Variants in FCER2 observed in about 807,000 individuals in gnomAD.
The protein encoded by FCER2 is Fc epsilon receptor II.
FCER2 carries 38 observed loss-of-function variants against 49.7 expected under a neutral mutation model. The observed-to-expected ratio is 0.76, with a 90% CI of 0.59 to 1.00. The LOEUF (loss-of-function observed/expected upper bound fraction) is 1.00, where lower values mean the gene tolerates loss of function less well. Ranked by LOEUF, FCER2 falls within the 50% of genes least tolerant of loss-of-function variation. The pLI, the probability that FCER2 is intolerant of heterozygous loss-of-function variation, is 0.00. For synonymous variants in FCER2, 163 were observed against 164.6 expected (o/e 0.99, Z 0.07); for missense variants, 425 against 419.5 (o/e 1.01, Z -0.11).
rs368902365 is a variant in FCER2, at chr19:7,699,764, G to A, written c.-4C>T. 100 of 1,613,660 alleles carry A rather than the reference G, an allele frequency of 6.2e-5. No individual in the cohort carries two copies. Among genetic ancestry groups the A allele is most frequent in the South Asian group, 3.4e-4 (31 of 91,074 alleles). On this transcript the variant is annotated 5_prime_UTR_variant, in exon 2 of 11. Transcript: ENST00000597921. ...CTGAATATTGACCTTCCTCCATGGC[G>A]GTCCTGCTTGGATTCTCCCGATGAT...
intron 8 of FCER2, among the ~76,000 whole-genome samples, chr19:7,692,120 A>G (rs1194764229): frequency 1.3e-5 from 1 of 79,286 alleles, no homozygotes; most frequent in Non-Finnish European, 2.5e-5. Context: ...TCATGAACAC[A>G]TTCACGTCCA....
intron 8 of FCER2, among the ~76,000 whole-genome samples, chr19:7,695,778 G>A (rs934013083): frequency 2.0e-5 from 3 of 152,074 alleles, no homozygotes; most frequent in African/African-American, 4.8e-5. Flanking sequence ...TTAGCCTGGC[G>A]TGGTGGCACA....
At chr19:7,698,621 G>A (rs1054358367) in intron 3 of FCER2, 120 bp downstream of exon 3, 27 of 1,391,708 alleles carry the variant, frequency 1.9e-5, no homozygotes, top group Non-Finnish European at 8.8e-6. Context: ...AGGCAGGATG[G>A]GAAAATTGGG....
rs962675505 is a variant in FCER2, at chr19:7,698,553, T to C, written c.137-144A>G. 5 of 867,890 alleles carry C rather than the reference T, an allele frequency of 5.8e-6. No homozygotes were observed. The Admixed American group carries it at 1.1e-4, about 19-fold the overall frequency. 53.8% of individuals were successfully genotyped at this position (867,890 alleles called of 1,614,324 possible). A position where few individuals can be genotyped will look rare whatever the true frequency, so the allele number is the denominator to read the frequency against. ...GTGTGGAGGACAGGGATGCTGGGTG[T>C]GGGGTGAGGGGCTCTGGAGGGTGGG... is the stretch of plus-strand genomic sequence containing the variant. On this transcript the variant is annotated intron_variant, in intron 3 of 10. Transcript: ENST00000597921.
rs748218616 is a variant in FCER2, at chr19:7,690,273, ACAGGACAGGG to A, written c.622-18_622-9del. The A allele has an allele frequency of 6.2e-7, 1 of 1,611,514 alleles. No homozygotes were observed. The highest frequency in any genetic ancestry group is 8.5e-7 in the Non-Finnish European group (1 of 1,177,974). On this transcript the variant is annotated splice_polypyrimidine_tract_variant and intron_variant, in intron 9 of 10. Coordinates refer to ENST00000597921, the MANE Select transcript of FCER2 (RefSeq NM_001220500.2). ...ATGCTTGGTCAGGAAGTCCTGGGGG[ACAGGACAGGG>A]CTGGAGGACTGGAGACATGTGCCCG... is the stretch of plus-strand genomic sequence containing the variant.
intron 8 of FCER2, among the ~76,000 whole-genome samples, chr19:7,694,521 T>C: frequency 6.6e-6 from 1 of 152,090 alleles, no homozygotes; most frequent in Non-Finnish European, 1.5e-5. Flanking sequence ...TCCCAGGCTG[T>C]GGGGCTGGAT....
At chr19:7,696,770 G>A (rs764806238) in intron 8 of FCER2, 55 bp downstream of exon 8, 28 of 1,359,450 alleles carry the variant, frequency 2.1e-5, no homozygotes, top group Non-Finnish European at 2.6e-5. Flanking sequence ...TTGCCAACAC[G>A]CCCGAGCCCC....
intron 2 of FCER2, chr19:7,699,405 T>C: frequency 7.2e-7 from 1 of 1,395,166 alleles, no homozygotes; most frequent in South Asian, 1.2e-5. Context: ...TTATGCTAAA[T>C]TCTGCTTGTT....
At chr19:7,698,645 C>T (rs1487507646) in intron 3 of FCER2, 96 bp downstream of exon 3, 14 of 1,516,436 alleles carry the variant, frequency 9.2e-6, no homozygotes, top group Admixed American at 5.9e-5. Flanking sequence ...TGAGAGGATG[C>T]GTTGGGCTCC....
intron 8 of FCER2, among the ~76,000 whole-genome samples, chr19:7,693,001 G>A (rs2032922766): frequency 6.6e-6 from 1 of 151,940 alleles, no homozygotes; most frequent in Admixed American, 6.6e-5. Flanking sequence ...ACCCCTCCAA[G>A]GTCAGCAACA....
chr19:7,690,334 T>G, intron 9 of FCER2, 69 bp from the exon 10 acceptor site: 2 of 1,603,504 alleles, frequency 1.2e-6, no homozygotes, highest in Non-Finnish European at 1.7e-6. Flanking sequence ...CTTCGAGAGG[T>G]TGGGTAGAGT....
chr19:7,701,710 A>C (rs1043997989), intron 1 of FCER2, among the ~76,000 whole-genome samples: 2 of 152,030 alleles, frequency 1.3e-5, no homozygotes, highest in Non-Finnish European at 2.9e-5. Flanking sequence ...CTAACCCAAG[A>C]GGTCCTGCCT....
intron 1 of FCER2, among the ~76,000 whole-genome samples, chr19:7,701,410 G>T (rs190040010): frequency 6.6e-6 from 1 of 152,264 alleles, no homozygotes; most frequent in South Asian, 2.1e-4. Context: ...AGCTCAGTTT[G>T]CTCATCTGTA....
In FCER2 at chr19:7,692,224, CCAA is replaced by C. The variant is rs2032897605; in HGVS notation, c.470-1670_470-1668del. ...ACCATCACCACGAGCACATTCATGT[CCAA>C]CAACAAATCAACTACCAACACCACT... On this transcript the variant is annotated intron_variant, in intron 8 of 10. Transcript: ENST00000597921. 6.9e-5 allele frequency among the ~76,000 whole-genome samples: 9 copies of C among 131,240 alleles called. No homozygotes were observed. The South Asian group carries it at 2.3e-3, about 33-fold the overall frequency. 86.1% of individuals were successfully genotyped at this position (131,240 alleles called of 152,430 possible).
intron 1 of FCER2, 113 bp from the exon 2 acceptor site, chr19:7,699,958 C>G (rs1442966752): frequency 1.6e-6 from 1 of 633,400 alleles, no homozygotes; most frequent in Non-Finnish European, 2.8e-6. Flanking sequence ...TTTGTTTAGT[C>G]TACAATCTGG....
At chr19:7,691,056 C>T (rs62110717) in intron 8 of FCER2, among the ~76,000 whole-genome samples, 39,275 of 143,772 alleles carry the variant, frequency 0.27, 6,905 homozygotes, top group African/African-American at 0.43. Context: ...ACCATTATCA[C>T]CACAGACACC....
At chr19:7,701,823 CAGGGACTCGAATGCCTCGA>C (rs2033156855) in intron 1 of FCER2, among the ~76,000 whole-genome samples, 173 bp downstream of exon 1, 1 of 152,084 alleles carries the variant, frequency 6.6e-6, no homozygotes, top group Non-Finnish European at 1.5e-5. Flanking sequence ...TTCCCCAAAT[CAGGGACTCGAATGCCTCGA>C]GATTCTGTCC....
At chr19:7,697,503 A>T (rs1599440340) in intron 5 of FCER2, 24 bp downstream of exon 5, 1 of 922,430 alleles carries the variant, frequency 1.1e-6, no homozygotes, top group Non-Finnish European at 1.5e-6. Flanking sequence ...TTCCCCTGCA[A>T]CCCCAACTCC....
intron 9 of FCER2, 34 bp from the exon 10 acceptor site, chr19:7,690,299 C>T: frequency 6.2e-7 from 1 of 1,609,050 alleles, no homozygotes; most frequent in Non-Finnish European, 8.5e-7. Context: ...GGACTGGAGA[C>T]ATGTGCCCGG....
Sources: gnomAD v4.1 joint callset for allele counts (sites outside exome capture counted in the v4.1 genomes callset) on GRCh38, gnomAD v4.1.1 for gene constraint, MANE v1.5 for transcripts, NCBI Gene and HGNC (gene_info 2026-07-23, HGNC 2026-07-21) for gene names.